HS6ST2: variants seen among roughly 807,000 people sequenced by gnomAD.
HS6ST2 encodes the protein heparan sulfate 6-O-sulfotransferase 2, also known as heparan-sulfate 6-O-sulfotransferase 2.
HS6ST2 carries 17 observed loss-of-function variants against 33.0 expected under a neutral mutation model. The ratio of observed to expected loss-of-function variants is 0.52; its 90% CI spans 0.35 to 0.77. The LOEUF (loss-of-function observed/expected upper bound fraction) is 0.77, where lower values mean the gene tolerates loss of function less well. HS6ST2 is among the 30% of genes least tolerant of loss of function. The probability of loss-of-function intolerance (pLI) is 0.01; values close to 1 mark genes in which losing one functional copy is unlikely to be tolerated. For synonymous variants in HS6ST2, 248 were observed against 237.1 expected, an observed-to-expected ratio of 1.05 and a Z score of -0.42; for missense variants, 519 against 551.7, an observed-to-expected ratio of 0.94 and a Z score of 0.59.
chrX:132,848,316 T>C (rs2065771645), intron 2 of HS6ST2, among the ~76,000 whole-genome samples: 1 of 112,596 alleles, frequency 8.9e-6, no homozygotes. Flanking sequence ...TGCTCAGAGA[T>C]GCATCCCTCC....
chrX:132,943,581 A>T (rs898485768), intron 2 of HS6ST2, among the ~76,000 whole-genome samples: 2 of 111,371 alleles, frequency 1.8e-5, no homozygotes, highest in Non-Finnish European at 3.8e-5. Context: ...ACCAATATCC[A>T]TGATGAACAT....
At chrX:132,917,723 C>A (rs890992762) in intron 2 of HS6ST2, among the ~76,000 whole-genome samples, 2 of 111,942 alleles carry the variant, frequency 1.8e-5, no homozygotes, top group Admixed American at 9.5e-5. Flanking sequence ...TGCTGTGTAT[C>A]TTTACAAGGT....
At chrX:132,727,893 G>T (rs997192010) in intron 2 of HS6ST2, among the ~76,000 whole-genome samples, 1 of 111,702 alleles carries the variant, frequency 9.0e-6, no homozygotes, top group African/African-American at 3.3e-5. Context: ...ACAGTATGTG[G>T]TCTTTTTTGT....
intron 4 of HS6ST2, among the ~76,000 whole-genome samples, chrX:132,631,886 A>C (rs1200544575): frequency 9.0e-6 from 1 of 111,648 alleles, no homozygotes; most frequent in East Asian, 2.8e-4. Flanking sequence ...ATACATCCCA[A>C]CCACCAGGGT....
chrX:132,739,721 A>T (rs1339357312), intron 2 of HS6ST2, among the ~76,000 whole-genome samples: 1 of 110,075 alleles, frequency 9.1e-6, no homozygotes, highest in Non-Finnish European at 1.9e-5. Context: ...TTTCAAAAAA[A>T]AAAAAAAAAG....
At chrX:132,939,956 T>G (rs2066870234) in intron 2 of HS6ST2, among the ~76,000 whole-genome samples, 1 of 111,752 alleles carries the variant, frequency 8.9e-6, no homozygotes, top group African/African-American at 3.3e-5. Flanking sequence ...GATGCTAAAA[T>G]TCACAATGAA....
At chrX:132,910,883 C>T (rs1002736462) in intron 2 of HS6ST2, among the ~76,000 whole-genome samples, 2 of 111,731 alleles carry the variant, frequency 1.8e-5, no homozygotes, top group Non-Finnish European at 3.8e-5. Flanking sequence ...GGTGTGGTAG[C>T]TCACGCTTGT....
intron 4 of HS6ST2, among the ~76,000 whole-genome samples, chrX:132,637,757 TAAAATATTATATATTTATATATATA>T (rs1287139638): frequency 1.3e-5 from 1 of 77,439 alleles, no homozygotes; most frequent in African/African-American, 4.9e-5. Flanking sequence ...AATATATATA[TAAAATATTATATATTTATATATATA>T]ATATTTTATA....
At chrX:132,918,915 A>G (rs2066622597) in intron 2 of HS6ST2, among the ~76,000 whole-genome samples, 1 of 112,478 alleles carries the variant, frequency 8.9e-6, no homozygotes, top group African/African-American at 3.2e-5. Flanking sequence ...AGAGGGGAAC[A>G]ATGTCAATGA....
intron 2 of HS6ST2, among the ~76,000 whole-genome samples, chrX:132,888,574 A>G (rs2066275832): frequency 1.8e-5 from 2 of 111,821 alleles, no homozygotes; most frequent in Admixed American, 1.9e-4. Context: ...GCATGATCAC[A>G]GCTCACTGCA....
chrX:132,951,957 G>T (rs2067020265), intron 2 of HS6ST2, among the ~76,000 whole-genome samples: 1 of 112,081 alleles, frequency 8.9e-6, no homozygotes, highest in Non-Finnish European at 1.9e-5. Context: ...GTGAGACAGA[G>T]AATGATGTCT....
chrX:132,855,162 C>T (rs1309012422), intron 2 of HS6ST2, among the ~76,000 whole-genome samples: 1 of 112,001 alleles, frequency 8.9e-6, no homozygotes, highest in Non-Finnish European at 1.9e-5. Flanking sequence ...TCAGCAAGAA[C>T]CTCTTCGATA....
chrX:132,914,450 T>C (rs2066565165), intron 2 of HS6ST2, among the ~76,000 whole-genome samples: 1 of 112,708 alleles, frequency 8.9e-6, no homozygotes, highest in Admixed American at 9.4e-5. Context: ...AATCATAGCC[T>C]ACAGCATTTA....
chrX:132,655,146 C>A (rs769559359), intron 4 of HS6ST2, among the ~76,000 whole-genome samples: 16 of 112,026 alleles, frequency 1.4e-4, no homozygotes, highest in Non-Finnish European at 2.3e-4. Flanking sequence ...GCCCACCCTG[C>A]CCCAGCATCT....
intron 4 of HS6ST2, among the ~76,000 whole-genome samples, chrX:132,659,554 C>T (rs936775519): frequency 1.1e-5 from 1 of 90,874 alleles, no homozygotes; most frequent in African/African-American, 5.6e-5. Flanking sequence ...CTTGTAGAAG[C>T]TTTTAGCTAC....
intron 2 of HS6ST2, among the ~76,000 whole-genome samples, chrX:132,905,465 C>T (rs1396029846): frequency 8.9e-6 from 1 of 112,340 alleles, no homozygotes; most frequent in Non-Finnish European, 1.9e-5. Context: ...TCAAATTGTT[C>T]TACCACACTT....
chrX:132,919,605 G>T (rs1287342302), intron 2 of HS6ST2, among the ~76,000 whole-genome samples: 1 of 112,024 alleles, frequency 8.9e-6, no homozygotes, highest in Non-Finnish European at 1.9e-5. Context: ...GCATATTAAG[G>T]TACAGTTTTT....
chrX:132,788,362 A>C (rs1321515700), intron 2 of HS6ST2, among the ~76,000 whole-genome samples: 1 of 111,749 alleles, frequency 8.9e-6, no homozygotes, highest in Non-Finnish European at 1.9e-5. Flanking sequence ...CGGGCACCAT[A>C]AACTGCACCC....
At chrX:132,690,511 G>T (rs1049800374) in intron 3 of HS6ST2, among the ~76,000 whole-genome samples, 1 of 112,091 alleles carries the variant, frequency 8.9e-6, no homozygotes, top group Non-Finnish European at 1.9e-5. Context: ...TCATACAGAG[G>T]TTTCTCCCTT....
Sources: gnomAD v4.1 joint callset for allele counts (sites outside exome capture counted in the v4.1 genomes callset) on GRCh38, gnomAD v4.1.1 for gene constraint, MANE v1.5 for transcripts, NCBI Gene and HGNC (gene_info 2026-07-23, HGNC 2026-07-21) for gene names.